STXBP4: variants seen among roughly 807,000 people sequenced by gnomAD.
STXBP4 encodes the protein syntaxin binding protein 4, also known as syntaxin-binding protein 4.
In STXBP4, 55 loss-of-function variants were observed where a neutral mutation model predicts 76.1. The ratio of observed to expected loss-of-function variants is 0.72; its 90% CI spans 0.58 to 0.91. The LOEUF (loss-of-function observed/expected upper bound fraction) is 0.91, where lower values mean the gene tolerates loss of function less well. Ranked by LOEUF, STXBP4 falls within the 40% of genes least tolerant of loss-of-function variation. The probability of loss-of-function intolerance (pLI) is 0.00; values close to 1 mark genes in which losing one functional copy is unlikely to be tolerated. For missense variants in STXBP4, 618 were observed against 636.9 expected, an observed-to-expected ratio of 0.97 and a Z score of 0.32; for synonymous variants, 201 against 220.2, an observed-to-expected ratio of 0.91 and a Z score of 0.77.
the STXBP4 span, among the ~76,000 whole-genome samples, chr17:55,179,912 A>G: frequency 6.6e-6 from 1 of 152,132 alleles, no homozygotes; most frequent in Non-Finnish European, 1.5e-5. Flanking sequence ...CCCTAACACT[A>G]GCATCATTCA....
At chr17:55,043,445 T>C (rs1055640694) in intron 11 of STXBP4, 120 bp downstream of exon 11, 2 of 746,528 alleles carry the variant, frequency 2.7e-6, no homozygotes, top group Non-Finnish European at 4.1e-6. Context: ...AATATTAATA[T>C]CAAATAGTAA....
In STXBP4 at chr17:55,163,571, A is replaced by T. The variant is rs2080355882; in HGVS notation, c.*3660A>T. On this transcript the variant is annotated 3_prime_UTR_variant, in exon 18 of 18. Coordinates refer to ENST00000376352, the MANE Select transcript of STXBP4 (RefSeq NM_178509.6). ...CCTTGCCTTTTCTCAAACCAGTTCAACTCAGCAAACACTTCCTGAGCACCT... is the reference window on the plus strand; with the variant it reads ...CCTTGCCTTTTCTCAAACCAGTTCATCTCAGCAAACACTTCCTGAGCACCT... 1 of 152,176 alleles carries T rather than the reference A, an allele frequency of 6.6e-6. No homozygotes were observed. The highest frequency in any genetic ancestry group is 2.4e-5 in the African/African-American group (1 of 41,434). 9.4% of individuals were successfully genotyped at this position (152,176 alleles called of 1,614,324 possible). A position where few individuals can be genotyped will look rare whatever the true frequency, so the allele number is the denominator to read the frequency against.
At chr17:55,191,364 C>G in the STXBP4 span, among the ~76,000 whole-genome samples, 1 of 152,158 alleles carries the variant, frequency 6.6e-6, no homozygotes, top group East Asian at 1.9e-4. Flanking sequence ...ATTTCCAGCT[C>G]TGTGACACCA....
At chr17:54,985,167 A>G (rs1056909676) in intron 1 of STXBP4, among the ~76,000 whole-genome samples, 1 of 152,228 alleles carries the variant, frequency 6.6e-6, no homozygotes, top group African/African-American at 2.4e-5. Context: ...GTTACATTTG[A>G]CATGTATCCA....
At chr17:55,106,662 A>G (rs896432094) in intron 16 of STXBP4, among the ~76,000 whole-genome samples, 2 of 152,156 alleles carry the variant, frequency 1.3e-5, no homozygotes, top group Admixed American at 6.5e-5. Flanking sequence ...CCTGGTAGTG[A>G]CAAAACCTCT....
At chr17:55,135,598 A>T (rs185362050) in intron 16 of STXBP4, among the ~76,000 whole-genome samples, 1 of 152,256 alleles carries the variant, frequency 6.6e-6, no homozygotes, top group African/African-American at 2.4e-5. Flanking sequence ...ATCTCTCACT[A>T]TACTAGATTC....
intron 13 of STXBP4, among the ~76,000 whole-genome samples, chr17:55,075,347 AT>A (rs2079168781): frequency 6.6e-6 from 1 of 151,922 alleles, no homozygotes; most frequent in Non-Finnish European, 1.5e-5. Flanking sequence ...CATTTCATCT[AT>A]TTGAAGTTTT....
downstream of STXBP4, among the ~76,000 whole-genome samples, chr17:55,177,828 G>A (rs1345229360): frequency 6.6e-6 from 1 of 152,206 alleles, no homozygotes; most frequent in African/African-American, 2.4e-5. Flanking sequence ...GGTTATCAGA[G>A]CAGAAGGAAC....
the STXBP4 span, among the ~76,000 whole-genome samples, chr17:55,204,827 C>T: frequency 1.5e-5 from 1 of 67,206 alleles, no homozygotes; most frequent in South Asian, 6.7e-4. Context: ...CACACACACA[C>T]ACACACACAC....
chr17:54,978,436 G>C (rs998221445), intron 1 of STXBP4, among the ~76,000 whole-genome samples: 1 of 152,062 alleles, frequency 6.6e-6, no homozygotes, highest in Non-Finnish European at 1.5e-5. Flanking sequence ...TATTTCTACT[G>C]CCTGTCAATT....
intron 16 of STXBP4, among the ~76,000 whole-genome samples, chr17:55,087,677 T>C (rs944948234): frequency 6.6e-5 from 10 of 152,202 alleles, no homozygotes; most frequent in Non-Finnish European, 1.3e-4. Flanking sequence ...GGTAGTGTGA[T>C]GTTTCCAGCT....
At chr17:55,133,793 T>C (rs2079997759) in intron 16 of STXBP4, among the ~76,000 whole-genome samples, 1 of 152,138 alleles carries the variant, frequency 6.6e-6, no homozygotes, top group African/African-American at 2.4e-5. Flanking sequence ...CCTTTGGACA[T>C]AAAGTGACAA....
the STXBP4 span, among the ~76,000 whole-genome samples, chr17:55,193,216 T>G: frequency 6.6e-6 from 1 of 152,078 alleles, no homozygotes; most frequent in Non-Finnish European, 1.5e-5. Flanking sequence ...TAGAAAAGAT[T>G]GAGTTCATGA....
Position 55,018,234 on chromosome 17 carries a change from G to A in STXBP4, c.666+10637G>A, listed in dbSNP as rs555424614. On this transcript the variant is annotated intron_variant, in intron 8 of 17. Transcript: ENST00000376352. ...TTAGGACGCACCCGGGCGCTTAGCC[G>A]TGCAGGAACAATGGCAAGCCTTTAG... 1.2e-4 allele frequency among the ~76,000 whole-genome samples: 18 copies of A among 152,304 alleles called. No homozygotes were observed. In the East Asian group the frequency reaches 1.4e-3, roughly 11 times the overall value.
intron 4 of STXBP4, among the ~76,000 whole-genome samples, chr17:54,996,568 A>G (rs1254604442): frequency 1.3e-5 from 2 of 152,212 alleles, no homozygotes; most frequent in Non-Finnish European, 2.9e-5. Context: ...ATAATGTGCT[A>G]TAATTTACAT....
chr17:55,051,477 T>G (rs1162402661), intron 12 of STXBP4, among the ~76,000 whole-genome samples: 1 of 152,136 alleles, frequency 6.6e-6, no homozygotes, highest in African/African-American at 2.4e-5. Context: ...GTTTTAGTGG[T>G]GGGGCAAAGC....
downstream of STXBP4, among the ~76,000 whole-genome samples, chr17:55,175,425 A>G (rs1448513330): frequency 6.6e-6 from 1 of 152,234 alleles, no homozygotes; most frequent in East Asian, 1.9e-4. Flanking sequence ...AATTAACTTC[A>G]AGAATCTAAA....
rs112860091 is a variant in STXBP4, at chr17:55,097,401, T to C, written c.1489+16218T>C. ...GTAGTTGACCGGGCGCGGTGGCTCATGCCTGTAATCCCAGCACTTTGGGGG... is the reference window on the plus strand; with the variant it reads ...GTAGTTGACCGGGCGCGGTGGCTCACGCCTGTAATCCCAGCACTTTGGGGG... On this transcript the variant is annotated intron_variant, in intron 16 of 17. Coordinates refer to ENST00000376352, the MANE Select transcript of STXBP4 (RefSeq NM_178509.6). Among the ~76,000 whole-genome samples, 703 of 152,294 alleles carry C rather than the reference T, an allele frequency of 4.6e-3. 2 individuals carry two copies. Among genetic ancestry groups the C allele is most frequent in the East Asian group, 8.5e-3 (44 of 5,180 alleles).
At chr17:55,145,854 G>T (rs897768989) in intron 17 of STXBP4, among the ~76,000 whole-genome samples, 6 of 152,092 alleles carry the variant, frequency 3.9e-5, no homozygotes, top group African/African-American at 1.4e-4. Flanking sequence ...AAAAGTATTT[G>T]TGCATTCTAG....
Sources: gnomAD v4.1 joint callset for allele counts (sites outside exome capture counted in the v4.1 genomes callset) on GRCh38, gnomAD v4.1.1 for gene constraint, MANE v1.5 for transcripts, NCBI Gene and HGNC (gene_info 2026-07-23, HGNC 2026-07-21) for gene names.